Variants in OR6N1 observed in about 807,000 individuals in gnomAD.
OR6N1 encodes the protein olfactory receptor family 6 subfamily N member 1.
For missense variants in OR6N1, 394 were observed against 371.7 expected (o/e 1.06, Z -0.49); for synonymous variants, 170 against 150.7 (o/e 1.13, Z -0.94).
the OR6N1 span, among the ~76,000 whole-genome samples, chr1:158,782,333 CTT>C: frequency 2.6e-5 from 4 of 152,198 alleles, no homozygotes; most frequent in African/African-American, 9.7e-5. Context: ...AAATAATTAA[CTT>C]TGCCTAAGTG....
At chr1:158,792,388 T>G in the OR6N1 span, among the ~76,000 whole-genome samples, 1 of 152,188 alleles carries the variant, frequency 6.6e-6, no homozygotes, top group Non-Finnish European at 1.5e-5. Context: ...ATTAGATCAT[T>G]TACATTCAAT....
At chr1:158,830,965 C>G in the OR6N1 span, among the ~76,000 whole-genome samples, 1 of 152,136 alleles carries the variant, frequency 6.6e-6, no homozygotes, top group Non-Finnish European at 1.5e-5. Flanking sequence ...AAGTCAAGTT[C>G]TGGTAGCAAT....
chr1:158,816,893 T>C, the OR6N1 span, among the ~76,000 whole-genome samples: 1 of 152,204 alleles, frequency 6.6e-6, no homozygotes, highest in African/African-American at 2.4e-5. Flanking sequence ...TAAGCAGTCA[T>C]CCACTGCCAG....
At chr1:158,789,312 T>G in the OR6N1 span, among the ~76,000 whole-genome samples, 1 of 152,096 alleles carries the variant, frequency 6.6e-6, no homozygotes, top group African/African-American at 2.4e-5. Context: ...AACATGGGAG[T>G]GCTGATATCT....
At chr1:158,833,773 T>A in the OR6N1 span, among the ~76,000 whole-genome samples, 1 of 152,230 alleles carries the variant, frequency 6.6e-6, no homozygotes, top group African/African-American at 2.4e-5. Flanking sequence ...TTGTAATACT[T>A]TCACATTTTT....
chr1:158,803,850 T>C, the OR6N1 span, among the ~76,000 whole-genome samples: 4 of 152,246 alleles, frequency 2.6e-5, no homozygotes, highest in East Asian at 7.7e-4. Flanking sequence ...TTCTCTTTTA[T>C]GTCACCACTT....
At chr1:158,807,527 AG>A in the OR6N1 span, among the ~76,000 whole-genome samples, 2 of 152,214 alleles carry the variant, frequency 1.3e-5, no homozygotes, top group Non-Finnish European at 2.9e-5. Context: ...TGGAGAGAAA[AG>A]AAGCGTGATC....
At chr1:158,803,782 C>T in the OR6N1 span, among the ~76,000 whole-genome samples, 4 of 151,948 alleles carry the variant, frequency 2.6e-5, no homozygotes, top group African/African-American at 7.2e-5. Context: ...TGTAGATATG[C>T]GTACTAAACA....
At chr1:158,817,489 T>C in the OR6N1 span, among the ~76,000 whole-genome samples, 1 of 152,210 alleles carries the variant, frequency 6.6e-6, no homozygotes, top group African/African-American at 2.4e-5. Flanking sequence ...TTTTCTGTGT[T>C]GTATTTACCT....
chr1:158,777,932 G>A, the OR6N1 span, among the ~76,000 whole-genome samples: 1 of 152,202 alleles, frequency 6.6e-6, no homozygotes, highest in Admixed American at 6.5e-5. Flanking sequence ...CTTGGGAATA[G>A]AGAGAAGGAA....
chr1:158,840,380 G>A, the OR6N1 span, among the ~76,000 whole-genome samples: 2 of 152,106 alleles, frequency 1.3e-5, no homozygotes, highest in Admixed American at 1.3e-4. Flanking sequence ...TCTTCACAGG[G>A]TGGCAGGAGA....
upstream of OR6N1, among the ~76,000 whole-genome samples, chr1:158,773,363 G>T (rs1657470217): frequency 1.3e-5 from 2 of 151,792 alleles, no homozygotes; most frequent in African/African-American, 2.4e-5. Context: ...TCCCTATAAG[G>T]CAATTAAGAG....
the OR6N1 span, among the ~76,000 whole-genome samples, chr1:158,798,515 T>C: frequency 6.6e-6 from 1 of 151,844 alleles, no homozygotes; most frequent in African/African-American, 2.4e-5. Context: ...ATCAAACATA[T>C]GGACATGTGA....
the OR6N1 span, among the ~76,000 whole-genome samples, chr1:158,839,800 C>G: frequency 6.6e-6 from 1 of 152,156 alleles, no homozygotes; most frequent in Admixed American, 6.5e-5. Context: ...CAATTCTTAA[C>G]AGCTGAAAAC....
intron 1 of OR6N1, among the ~76,000 whole-genome samples, chr1:158,769,610 G>A (rs1023641099): frequency 3.9e-5 from 6 of 152,204 alleles, no homozygotes; most frequent in South Asian, 4.1e-4. Flanking sequence ...TCTGCCCTCC[G>A]GTCTTCTTAT....
chr1:158,818,672 G>A, the OR6N1 span, among the ~76,000 whole-genome samples: 19 of 152,292 alleles, frequency 1.2e-4, no homozygotes, highest in Non-Finnish European at 2.2e-4. Context: ...TATGCAATGC[G>A]CCTGGGAATC....
At chr1:158,777,506 G>A in the OR6N1 span, 744 of 1,614,154 alleles carry the variant, frequency 4.6e-4, 3 homozygotes, top group African/African-American at 8.5e-3. Flanking sequence ...GAGAAGATGA[G>A]CATGTTACCA....
chr1:158,796,220 A>T, the OR6N1 span: 3 of 152,244 alleles, frequency 2.0e-5, no homozygotes, highest in Non-Finnish European at 4.4e-5. Flanking sequence ...TCAAGGACCT[A>T]GTATGCTTCA....
the OR6N1 span, among the ~76,000 whole-genome samples, chr1:158,809,920 G>A: frequency 1.8e-4 from 28 of 152,270 alleles, no homozygotes; most frequent in African/African-American, 6.7e-4. Context: ...AATCCCCGAA[G>A]GGTATGTGCT....
Sources: allele counts gnomAD v4.1 joint callset (sites outside exome capture counted in the v4.1 genomes callset), GRCh38; gene constraint gnomAD v4.1.1; transcripts MANE v1.5; gene names NCBI Gene and HGNC (gene_info 2026-07-23, HGNC 2026-07-21).